Variants in TENM3 observed in about 807,000 individuals in gnomAD.
TENM3 encodes the protein teneurin transmembrane protein 3.
Under a neutral mutation model 255.1 loss-of-function variants are expected in TENM3, and 63 were observed. That is an observed-to-expected ratio of 0.25 (90% CI 0.20 to 0.30). The LOEUF (loss-of-function observed/expected upper bound fraction) is 0.30. Ranked by LOEUF, TENM3 falls within the 10% of genes least tolerant of loss-of-function variation. The pLI is 1.00. For missense variants in TENM3, 2,929 were observed against 3,461.1 expected (o/e 0.85, Z 3.86); for synonymous variants, 1,306 against 1,322.3 (o/e 0.99, Z 0.27).
intron 1 of TENM3, among the ~76,000 whole-genome samples, chr4:182,175,554 C>A (rs1752430657): frequency 6.6e-6 from 1 of 152,022 alleles, no homozygotes; most frequent in Non-Finnish European, 1.5e-5. Context: ...TAAGAGGCGA[C>A]CCTCCTGCTT....
At chr4:182,559,945 C>G (rs999037987) in intron 3 of TENM3, among the ~76,000 whole-genome samples, 2 of 151,852 alleles carry the variant, frequency 1.3e-5, no homozygotes, top group Non-Finnish European at 2.9e-5. Context: ...AGAATAAATG[C>G]TTCAGATGAT....
chr4:181,756,152 G>A, the TENM3 span, among the ~76,000 whole-genome samples: 3 of 152,228 alleles, frequency 2.0e-5, no homozygotes, highest in East Asian at 1.9e-4. Flanking sequence ...AAAGGGTGAC[G>A]GGGACAAAAG....
intron 12 of TENM3, among the ~76,000 whole-genome samples, chr4:182,699,614 G>C (rs773616162): frequency 6.6e-6 from 1 of 152,062 alleles, no homozygotes; most frequent in Non-Finnish European, 1.5e-5. Context: ...TCATGCCTGT[G>C]GTTTCCATTT....
intron 22 of TENM3, among the ~76,000 whole-genome samples, chr4:182,765,124 A>T (rs1399024890): frequency 7.7e-6 from 1 of 129,838 alleles, no homozygotes; most frequent in South Asian, 2.8e-4. Flanking sequence ...GGCACAGTCT[A>T]GCATGTGATT....
intron 4 of TENM3, among the ~76,000 whole-genome samples, chr4:182,623,310 A>G (rs10024939): frequency 0.92 from 138,787 of 151,010 alleles, 63,860 homozygotes; most frequent in African/African-American, 0.95. Flanking sequence ...ACCACGTCTG[A>G]CCCTATTTCT....
intron 5 of TENM3, among the ~76,000 whole-genome samples, chr4:182,649,591 G>C (rs997726110): frequency 6.7e-6 from 1 of 150,370 alleles, no homozygotes; most frequent in Non-Finnish European, 1.5e-5. Context: ...GCTTACTTTT[G>C]TACTTTTGTA....
At chr4:182,014,601 C>T in the TENM3 span, among the ~76,000 whole-genome samples, 3 of 22,250 alleles carry the variant, frequency 1.3e-4, no homozygotes, top group South Asian at 4.0e-3. Context: ...TCTGTCTCAG[C>T]GGCACATTAG....
At chr4:182,094,464 T>A in the TENM3 span, among the ~76,000 whole-genome samples, 1 of 152,142 alleles carries the variant, frequency 6.6e-6, no homozygotes, top group Non-Finnish European at 1.5e-5. Flanking sequence ...GCCAGGCTGG[T>A]CTCGAACTCC....
chr4:181,929,690 A>T, the TENM3 span, among the ~76,000 whole-genome samples: 1 of 152,206 alleles, frequency 6.6e-6, no homozygotes, highest in Non-Finnish European at 1.5e-5. Flanking sequence ...CCTAATAAAC[A>T]TCTACAGAAC....
chr4:182,720,124 G>C (rs1286824473), intron 13 of TENM3, among the ~76,000 whole-genome samples: 1 of 152,042 alleles, frequency 6.6e-6, no homozygotes, highest in African/African-American at 2.4e-5. Context: ...CACTAGAAAA[G>C]GGGAGTGAAG....
chr4:182,530,832 C>T (rs188951773), intron 3 of TENM3, among the ~76,000 whole-genome samples: 25 of 152,300 alleles, frequency 1.6e-4, no homozygotes, highest in African/African-American at 2.4e-4. Context: ...GTTTGGCTTA[C>T]ATGCCCAGTG....
chr4:182,231,319 A>G (rs1411893689), intron 1 of TENM3, among the ~76,000 whole-genome samples: 1 of 152,024 alleles, frequency 6.6e-6, no homozygotes, highest in Non-Finnish European at 1.5e-5. Context: ...GCTGCAGTTG[A>G]GTCAGATTAG....
At chr4:181,568,898 A>G in the TENM3 span, among the ~76,000 whole-genome samples, 1 of 152,202 alleles carries the variant, frequency 6.6e-6, no homozygotes, top group East Asian at 1.9e-4. Flanking sequence ...GAGGAATGAG[A>G]GACTTCCACT....
At chr4:181,655,139 C>A in the TENM3 span, among the ~76,000 whole-genome samples, 1 of 152,130 alleles carries the variant, frequency 6.6e-6, no homozygotes, top group East Asian at 1.9e-4. Context: ...CTGGAATCAT[C>A]CAAATAAGAG....
rs56170155 is a variant in TENM3, at chr4:182,497,847, C to CATATATATATATAT, written c.512-103054_512-103041dup. Among the ~76,000 whole-genome samples the CATATATATATATAT allele has an allele frequency of 2.0e-3, 276 of 135,480 alleles. 1 individual carries two copies. The highest frequency in any genetic ancestry group is 4.8e-3 in the African/African-American group (148 of 30,608). 88.9% of individuals were successfully genotyped at this position (135,480 alleles called of 152,430 possible). A position where few individuals can be genotyped will look rare whatever the true frequency, so the allele number is the denominator to read the frequency against. ...ATATACCCCATCTCTACTAAAAATA[C>CATATATATATATAT]ATATATATATATATATATATATATA... On this transcript the variant is annotated intron_variant, in intron 3 of 27. Transcript: ENST00000511685.
intron 3 of TENM3, among the ~76,000 whole-genome samples, chr4:182,468,830 G>GCT (rs1732841999): frequency 2.1e-5 from 1 of 48,336 alleles, no homozygotes; most frequent in African/African-American, 6.6e-5. Flanking sequence ...GTGCTTGTGT[G>GCT]TGTGTGTGTG....
chr4:182,683,221 C>T (rs1579103017), intron 11 of TENM3, among the ~76,000 whole-genome samples: 1 of 152,106 alleles, frequency 6.6e-6, no homozygotes, highest in Non-Finnish European at 1.5e-5. Context: ...GGACACTCTT[C>T]ACAAAGATGC....
chr4:181,618,898 C>T, the TENM3 span, among the ~76,000 whole-genome samples: 2 of 152,158 alleles, frequency 1.3e-5, no homozygotes, highest in Non-Finnish European at 2.9e-5. Context: ...GAATTCAGAG[C>T]AAAACAAGAC....
At chr4:182,511,773 G>A (rs115213528) in intron 3 of TENM3, among the ~76,000 whole-genome samples, 5,434 of 152,024 alleles carry the variant, frequency 0.036, 214 homozygotes, top group African/African-American at 0.095. Flanking sequence ...GATAAAATTA[G>A]GATCATATAA....
Sources: gnomAD v4.1 joint callset for allele counts (sites outside exome capture counted in the v4.1 genomes callset) on GRCh38, gnomAD v4.1.1 for gene constraint, MANE v1.5 for transcripts, NCBI Gene and HGNC (gene_info 2026-07-23, HGNC 2026-07-21) for gene names.